ATL2: variants seen among roughly 807,000 people sequenced by gnomAD.
The protein encoded by ATL2 is atlastin GTPase 2, also known as atlastin-2.
ATL2 carries 31 observed loss-of-function variants against 73.9 expected under a neutral mutation model. The ratio of observed to expected loss-of-function variants is 0.42; its 90% CI spans 0.32 to 0.57. The LOEUF is 0.57. Ranked by LOEUF, ATL2 falls within the 20% of genes least tolerant of loss-of-function variation. ATL2 has a pLI of 0.14. For missense variants in ATL2, 738 were observed against 702.6 expected, an observed-to-expected ratio of 1.05 and a Z score of -0.57; for synonymous variants, 291 against 237.5, an observed-to-expected ratio of 1.23 and a Z score of -2.07.
Position 38,294,117 on chromosome 2 carries a change from C to A in ATL2, c.*1877G>T, listed in dbSNP as rs1666754544. On this transcript the variant is annotated 3_prime_UTR_variant, in exon 13 of 13. Transcript: ENST00000378954. ...GATTCTTTAAGAACAGATAAGTTAG[C>A]AATTTAATACAGATGAAAACAAATA... Among the ~76,000 whole-genome samples the A allele has an allele frequency of 6.6e-6, 1 of 152,176 alleles. No individual in the cohort carries two copies. The highest frequency in any genetic ancestry group is 2.4e-5 in the African/African-American group (1 of 41,448).
At position 38,309,335 on chromosome 2, in the gene ATL2, A is replaced by C. The variant is rs748907040; in HGVS notation, c.1071+44T>G. ...ATACATACAGATGAGTTTTAAGTCAACTACATTTCTATCTTAGACAAAACT... is the reference window on the plus strand; with the variant it reads ...ATACATACAGATGAGTTTTAAGTCACCTACATTTCTATCTTAGACAAAACT... On this transcript the variant is annotated intron_variant, in intron 9 of 12. Coordinates refer to ENST00000378954, the MANE Select transcript of ATL2 (RefSeq NM_001135673.4). The C allele has an allele frequency of 1.7e-5, 26 of 1,543,924 alleles. 1 individual carries two copies. In the Middle Eastern group the frequency reaches 1.8e-3, roughly 110 times the overall value.
intron 1 of ATL2, among the ~76,000 whole-genome samples, chr2:38,347,830 G>C (rs1022168627): frequency 2.0e-5 from 3 of 146,456 alleles, no homozygotes; most frequent in Non-Finnish European, 4.5e-5. Flanking sequence ...GCAGTGGTGA[G>C]ATCTCGACTC....
At chr2:38,308,003 G>A (rs950010182) in intron 9 of ATL2, among the ~76,000 whole-genome samples, 1 of 152,120 alleles carries the variant, frequency 6.6e-6, no homozygotes, top group African/African-American at 2.4e-5. Context: ...TACACTGTTG[G>A]CAGAAAGGTA....
intron 1 of ATL2, among the ~76,000 whole-genome samples, chr2:38,376,803 G>A (rs1558469949): frequency 6.6e-6 from 1 of 151,686 alleles, no homozygotes. Context: ...CCCCGGGCAG[G>A]CGGCCACGGC....
intron 1 of ATL2, among the ~76,000 whole-genome samples, chr2:38,365,190 A>C (rs879264192): frequency 6.9e-6 from 1 of 145,964 alleles, no homozygotes; most frequent in Non-Finnish European, 1.5e-5. Flanking sequence ...CACACACACA[A>C]ATACACACAC....
chr2:38,310,955 A>T (rs920632390), intron 7 of ATL2, among the ~76,000 whole-genome samples: 11 of 152,136 alleles, frequency 7.2e-5, no homozygotes, highest in African/African-American at 2.7e-4. Context: ...ACCACAAAAG[A>T]TGTTTTTCCC....
intron 1 of ATL2, among the ~76,000 whole-genome samples, chr2:38,375,809 T>A (rs775388526): frequency 2.0e-5 from 3 of 152,254 alleles, no homozygotes; most frequent in Non-Finnish European, 4.4e-5. Context: ...TACAGAGTGC[T>A]ACCACTGTAC....
At chr2:38,327,538 T>TAA (rs1668734110) in intron 2 of ATL2, among the ~76,000 whole-genome samples, 1 of 39,484 alleles carries the variant, frequency 2.5e-5, no homozygotes, top group Non-Finnish European at 4.9e-5. Context: ...AAAAAAAAAG[T>TAA]ACAAAAAAAA....
chr2:38,356,351 A>AT (rs1477245709), intron 1 of ATL2, among the ~76,000 whole-genome samples: 4 of 150,764 alleles, frequency 2.7e-5, no homozygotes, highest in African/African-American at 4.9e-5. Context: ...GAGCCAGCTA[A>AT]TTTTTTTTTA....
intron 9 of ATL2, among the ~76,000 whole-genome samples, chr2:38,306,924 C>T (rs1012674267): frequency 6.6e-6 from 1 of 152,156 alleles, no homozygotes; most frequent in East Asian, 1.9e-4. Flanking sequence ...ATGACAGTGG[C>T]TTCAATAAAT....
chr2:38,322,353 T>A lies in ATL2; in HGVS notation c.364-3334A>T, dbSNP rs376190124. Among the ~76,000 whole-genome samples the A allele has an allele frequency of 1.3e-3, 203 of 152,364 alleles. 1 individual carries two copies. The highest frequency in any genetic ancestry group is 4.6e-3 in the African/African-American group (190 of 41,582). ...ACAAAAGTTTTGTTTGTTTCATTCT[T>A]ACAAGTATTCCCATCACAGAGAAGT... On this transcript the variant is annotated intron_variant, in intron 2 of 12. Coordinates refer to ENST00000378954, the MANE Select transcript of ATL2 (RefSeq NM_001135673.4).
At chr2:38,325,083 G>A (rs997970696) in intron 2 of ATL2, among the ~76,000 whole-genome samples, 4 of 152,214 alleles carry the variant, frequency 2.6e-5, no homozygotes, top group African/African-American at 9.6e-5. Context: ...TTGCCCTTGA[G>A]GGCTAACAAA....
At chr2:38,352,041 G>A (rs1381797151) in intron 1 of ATL2, among the ~76,000 whole-genome samples, 2 of 150,288 alleles carry the variant, frequency 1.3e-5, no homozygotes, top group South Asian at 2.1e-4. Flanking sequence ...GAACCCAGGG[G>A]TGGAGGCTGC....
intron 1 of ATL2, among the ~76,000 whole-genome samples, chr2:38,352,248 A>AT (rs1353863241): frequency 6.6e-6 from 1 of 151,246 alleles, no homozygotes; most frequent in Non-Finnish European, 1.5e-5. Flanking sequence ...AAACACAGGT[A>AT]TTTGGGGGAG....
At chr2:38,343,869 A>G (rs760756389) in intron 1 of ATL2, among the ~76,000 whole-genome samples, 10 of 152,194 alleles carry the variant, frequency 6.6e-5, no homozygotes, top group Non-Finnish European at 1.2e-4. Flanking sequence ...TGATGATTTT[A>G]TAAGAGGTTT....
At chr2:38,325,646 A>C (rs1403302148) in intron 2 of ATL2, among the ~76,000 whole-genome samples, 1 of 81,226 alleles carries the variant, frequency 1.2e-5, no homozygotes, top group Non-Finnish European at 2.5e-5. Flanking sequence ...ACACACACAC[A>C]CACACACACA....
chr2:38,378,203 C>G (rs1437818777), upstream of ATL2, among the ~76,000 whole-genome samples: 1 of 152,192 alleles, frequency 6.6e-6, no homozygotes, highest in Non-Finnish European at 1.5e-5. Flanking sequence ...TCCGGGTGTA[C>G]AAACAGCTGT....
chr2:38,360,917 T>C (rs1305743522), intron 1 of ATL2, among the ~76,000 whole-genome samples: 1 of 148,584 alleles, frequency 6.7e-6, no homozygotes, highest in African/African-American at 2.6e-5. Context: ...CACCAAAGTA[T>C]TGTTGGTAAC....
At chr2:38,323,051 T>C (rs1668409955) in intron 2 of ATL2, among the ~76,000 whole-genome samples, 1 of 152,222 alleles carries the variant, frequency 6.6e-6, no homozygotes, top group Non-Finnish European at 1.5e-5. Flanking sequence ...GCCAGCCATT[T>C]TTCTAGGGAT....
Sources: allele counts gnomAD v4.1 joint callset (sites outside exome capture counted in the v4.1 genomes callset), GRCh38; gene constraint gnomAD v4.1.1; transcripts MANE v1.5; gene names NCBI Gene and HGNC (gene_info 2026-07-23, HGNC 2026-07-21).